The following THSD7B variants were observed in gnomAD, a reference collection of about 807,000 sequenced individuals.
THSD7B encodes the protein thrombospondin type-1 domain-containing protein 7B.
In THSD7B, 138 loss-of-function variants were observed where a neutral mutation model predicts 213.6. The observed-to-expected ratio is 0.65, with a 90% CI of 0.56 to 0.74. The LOEUF (loss-of-function observed/expected upper bound fraction) is 0.74. Among genes scored for constraint, THSD7B ranks in the 30% least tolerant of loss-of-function variants. THSD7B has a pLI of 0.00. For missense variants in THSD7B, 1,931 were observed against 1,991.5 expected, an observed-to-expected ratio of 0.97 and a Z score of 0.58; for synonymous variants, 742 against 687.0, an observed-to-expected ratio of 1.08 and a Z score of -1.25.
intron 5 of THSD7B, among the ~76,000 whole-genome samples, chr2:137,153,210 T>G (rs555805716): frequency 2.0e-5 from 3 of 152,318 alleles, no homozygotes; most frequent in South Asian, 2.1e-4. Context: ...GTGCTTCACT[T>G]GTTTTGCCTT....
Position 136,814,378 on chromosome 2 carries a change from G to GT in THSD7B, c.-36+48699dup, listed in dbSNP as rs949376926. On this transcript the variant is annotated intron_variant, in intron 1 of 27. Coordinates refer to ENST00000409968, the MANE Select transcript of THSD7B (RefSeq NM_001316349.2). ...AAAACATTGTTTTGGAGTAAGATTT[G>GT]TTTTTTTTCTTTTTATTTTATTATT... 1.1e-4 allele frequency among the ~76,000 whole-genome samples: 17 copies of GT among 151,532 alleles called. 1 individual carries two copies. The highest frequency in any genetic ancestry group is 7.8e-4 in the East Asian group (4 of 5,160).
chr2:136,958,350 A>T (rs1290345898), intron 2 of THSD7B, among the ~76,000 whole-genome samples: 1 of 152,216 alleles, frequency 6.6e-6, no homozygotes, highest in African/African-American at 2.4e-5. Context: ...TAGTGGTTTT[A>T]GTTGATCGCA....
chr2:136,894,856 C>T (rs1464262945), intron 2 of THSD7B, among the ~76,000 whole-genome samples: 1 of 152,042 alleles, frequency 6.6e-6, no homozygotes, highest in East Asian at 1.9e-4. Flanking sequence ...TCCTAATATA[C>T]TTTAGCTGTT....
At chr2:137,479,510 T>G (rs748693622) in intron 15 of THSD7B, 1 of 408,968 alleles carries the variant, frequency 2.4e-6, no homozygotes, top group Non-Finnish European at 4.9e-6. Context: ...CTGGGGAAAG[T>G]GGGGTTCCTT....
rs766688640 is a variant in THSD7B at position 137,056,953 on chromosome 2, G to T, written c.673G>T (p.Ala225Ser). Residue 225 changes from alanine to serine, a missense_variant, in exon 3 of 28, where the codon GCC becomes TCC. Ala to Ser is a moderately conservative substitution (Grantham distance 99). Transcript: ENST00000409968. ...ATGTCCAAATCTGACTGAGTCAAGA[G>T]CCTGTGATGCTCCCATTTCCTGTCC... Reference protein sequence around the residue: ...LQCPNLTESRACDAPISCPLG... With the variant: ...LQCPNLTESRSCDAPISCPLG... The T allele has an allele frequency of 1.3e-5, 21 of 1,613,820 alleles. No individual in the cohort carries two copies. The African/African-American group carries it at 2.7e-4, about 21-fold the overall frequency.
In THSD7B at chr2:137,596,400, G is replaced by C. The variant is rs150500791; in HGVS notation, c.3424-19775G>C. ...CACACTTTCTAGAAACATTAAAAAT[G>C]TTTAATTATTCTTTATTTGGCTGTG... is the stretch of plus-strand genomic sequence containing the variant. On this transcript the variant is annotated intron_variant, in intron 17 of 27. Coordinates refer to ENST00000409968, the MANE Select transcript of THSD7B (RefSeq NM_001316349.2). Among the ~76,000 whole-genome samples the C allele has an allele frequency of 3.2e-3, 492 of 152,096 alleles. 3 individuals are homozygous for C. The highest frequency in any genetic ancestry group is 0.011 in the African/African-American group (471 of 41,530).
chr2:137,267,789 A>T (rs1454645187), intron 10 of THSD7B, among the ~76,000 whole-genome samples: 1 of 152,246 alleles, frequency 6.6e-6, no homozygotes, highest in African/African-American at 2.4e-5. Flanking sequence ...ATTCCTAGAA[A>T]CATTTAATAT....
intron 20 of THSD7B, among the ~76,000 whole-genome samples, chr2:137,635,860 T>A (rs1339629480): frequency 6.6e-6 from 1 of 152,016 alleles, no homozygotes; most frequent in Non-Finnish European, 1.5e-5. Flanking sequence ...TACACTACCA[T>A]ATCTGCTAAT....
At chr2:137,526,857 G>A (rs1680289987) in intron 15 of THSD7B, among the ~76,000 whole-genome samples, 1 of 152,134 alleles carries the variant, frequency 6.6e-6, no homozygotes, top group Non-Finnish European at 1.5e-5. Flanking sequence ...GGTTTGAACT[G>A]TGCCTTGAAG....
intron 2 of THSD7B, among the ~76,000 whole-genome samples, chr2:136,889,103 A>G (rs1386743555): frequency 6.6e-6 from 1 of 152,134 alleles, no homozygotes; most frequent in African/African-American, 2.4e-5. Context: ...TCAAACTTAT[A>G]AATCAGTAAA....
intron 5 of THSD7B, among the ~76,000 whole-genome samples, chr2:137,116,287 A>G (rs944018490): frequency 6.6e-6 from 1 of 152,228 alleles, no homozygotes; most frequent in Non-Finnish European, 1.5e-5. Context: ...TGACAGGGCT[A>G]CAGCTGTTTT....
chr2:137,555,581 C>G (rs1277647863), intron 15 of THSD7B, among the ~76,000 whole-genome samples: 1 of 152,058 alleles, frequency 6.6e-6, no homozygotes, highest in East Asian at 1.9e-4. Flanking sequence ...GATAAAACCA[C>G]CAAGATGGGG....
chr2:137,280,702 A>AT (rs1251103442), intron 12 of THSD7B, among the ~76,000 whole-genome samples: 1 of 152,030 alleles, frequency 6.6e-6, no homozygotes, highest in Non-Finnish European at 1.5e-5. Context: ...TATCAGAATA[A>AT]TTTTTTTAAT....
At chr2:136,983,358 G>GACACACAGACACACACACAC (rs1553462387) in intron 2 of THSD7B, among the ~76,000 whole-genome samples, 1 of 105,028 alleles carries the variant, frequency 9.5e-6, no homozygotes, top group Admixed American at 9.3e-5. Flanking sequence ...CAGACACACA[G>GACACACAGACACACACACAC]ACACACACAC....
chr2:137,595,988 A>T (rs1386945169), intron 17 of THSD7B, among the ~76,000 whole-genome samples: 2 of 151,892 alleles, frequency 1.3e-5, no homozygotes, highest in Non-Finnish European at 2.9e-5. Flanking sequence ...GTGAAGAAAA[A>T]ACCCCAAAAT....
At chr2:137,182,305 G>A (rs1364217453) in intron 7 of THSD7B, among the ~76,000 whole-genome samples, 1 of 152,180 alleles carries the variant, frequency 6.6e-6, no homozygotes, top group Non-Finnish European at 1.5e-5. Context: ...GAGAAACAGT[G>A]TATGTCCAGA....
chr2:137,303,724 AT>A (rs1163133936), intron 12 of THSD7B, among the ~76,000 whole-genome samples: 5 of 137,882 alleles, frequency 3.6e-5, no homozygotes, highest in Non-Finnish European at 7.6e-5. Flanking sequence ...ATTTATATAT[AT>A]ATTTATATAT....
intron 3 of THSD7B, among the ~76,000 whole-genome samples, chr2:137,091,615 C>G (rs909891357): frequency 6.6e-6 from 1 of 152,000 alleles, no homozygotes; most frequent in South Asian, 2.1e-4. Context: ...AGGCTCTCTC[C>G]TTGGCTTGTA....
At chr2:137,658,045 A>G (rs1281366727) in intron 24 of THSD7B, among the ~76,000 whole-genome samples, 1 of 152,216 alleles carries the variant, frequency 6.6e-6, no homozygotes, top group Non-Finnish European at 1.5e-5. Context: ...TCTTGTCAGC[A>G]AATTAAATTG....
Sources: allele counts gnomAD v4.1 joint callset (sites outside exome capture counted in the v4.1 genomes callset), GRCh38; gene constraint gnomAD v4.1.1; transcripts MANE v1.5; gene names NCBI Gene and HGNC (gene_info 2026-07-23, HGNC 2026-07-21).